The following ZNF469 variants were observed in gnomAD, a reference collection of about 807,000 sequenced individuals.
ZNF469 encodes the protein zinc finger protein 469.
ZNF469 carries 1 observed loss-of-function variant against 1.0 expected under a neutral mutation model. The observed-to-expected ratio is 1.00, with a 90% CI of 0.35 to 4.73. The LOEUF is 4.73. Among genes scored for constraint, ZNF469 ranks in the 30% most tolerant of loss-of-function variants. The pLI, the probability that ZNF469 is intolerant of heterozygous loss-of-function variation, is 0.16. For synonymous variants in ZNF469, 2,703 were observed against 2,363.4 expected, an observed-to-expected ratio of 1.14 and a Z score of -4.17; for missense variants, 6,100 against 5,356.3, an observed-to-expected ratio of 1.14 and a Z score of -4.33.
intron 1 of ZNF469, among the ~76,000 whole-genome samples, chr16:88,407,429 G>C (rs1418402386): frequency 6.6e-6 from 1 of 152,232 alleles, no homozygotes; most frequent in Non-Finnish European, 1.5e-5. Flanking sequence ...GTCACTCTCT[G>C]TATCTATAGC....
chr16:88,209,156 C>G, the ZNF469 span, among the ~76,000 whole-genome samples: 2 of 152,214 alleles, frequency 1.3e-5, no homozygotes, highest in Non-Finnish European at 2.9e-5. Context: ...AAAACAAAAC[C>G]CTACACACAC....
chr16:88,369,820 C>G, the ZNF469 span, among the ~76,000 whole-genome samples: 97 of 152,326 alleles, frequency 6.4e-4, 1 homozygote, highest in African/African-American at 2.2e-3. Flanking sequence ...CCCGCGACCC[C>G]CAGCCCCAGC....
chr16:88,407,404 C>T (rs1597195664), intron 1 of ZNF469, among the ~76,000 whole-genome samples: 2 of 152,214 alleles, frequency 1.3e-5, no homozygotes, highest in Admixed American at 6.5e-5. Flanking sequence ...AGGGATGGGG[C>T]GGACCCTCAT....
At position 88,430,094 on chromosome 16, in the gene ZNF469, GC is replaced by G; in HGVS notation, c.2628del (p.Arg877GlufsTer15). On this transcript the variant is annotated frameshift_variant, in exon 3 of 3. Transcript: ENST00000565624. LOFTEE classifies it low-confidence loss of function (END_TRUNC). ...GTCTTCGCGGACGAGGAGCCTTCCG[GC>G]CCCAGAGGTCCCAGCTCCGGACACC... ...IDVFADEEPS[G>X]PRGPSSGHPL... 1 of 1,542,410 alleles carries G rather than the reference GC, an allele frequency of 6.5e-7. No homozygotes were observed. The highest frequency in any genetic ancestry group is 8.7e-7 in the Non-Finnish European group (1 of 1,146,920).
chr16:88,394,161 ATGGG>A (rs1567499375), intron 1 of ZNF469, among the ~76,000 whole-genome samples: 19,057 of 97,222 alleles, frequency 0.2, 6,271 homozygotes, highest in Non-Finnish European at 0.24. Context: ...TCCGAGAGGG[ATGGG>A]GTTTGACAGG....
chr16:88,299,181 G>T, the ZNF469 span, among the ~76,000 whole-genome samples: 1 of 147,094 alleles, frequency 6.8e-6, no homozygotes, highest in East Asian at 2.0e-4. Flanking sequence ...CAGCTTGGGT[G>T]GGGAGGGCTT....
the ZNF469 span, among the ~76,000 whole-genome samples, chr16:88,142,858 C>A: frequency 6.6e-6 from 1 of 152,192 alleles, no homozygotes; most frequent in African/African-American, 2.4e-5. Context: ...CTGGGGCCAG[C>A]ATGGCCCACA....
chr16:88,295,060 G>A, the ZNF469 span, among the ~76,000 whole-genome samples: 1 of 136,362 alleles, frequency 7.3e-6, no homozygotes, highest in African/African-American at 2.7e-5. Context: ...ATGTGGCAGG[G>A]CTCAGGGTCT....
chr16:88,132,435 G>T, the ZNF469 span, among the ~76,000 whole-genome samples: 3 of 152,208 alleles, frequency 2.0e-5, no homozygotes, highest in Non-Finnish European at 4.4e-5. Flanking sequence ...GGCGGGGCTG[G>T]ATCTGTGACT....
the ZNF469 span, among the ~76,000 whole-genome samples, chr16:88,229,565 T>A: frequency 1.0e-3 from 104 of 101,696 alleles, no homozygotes; most frequent in African/African-American, 3.2e-3. Context: ...CGTGTGGATG[T>A]CACGCTTGTG....
At chr16:88,408,756 G>A (rs1308825207) in intron 1 of ZNF469, among the ~76,000 whole-genome samples, 1 of 152,226 alleles carries the variant, frequency 6.6e-6, no homozygotes, top group Non-Finnish European at 1.5e-5. Context: ...CGTCCCTGCA[G>A]ACCCCAGCTG....
intron 1 of ZNF469, among the ~76,000 whole-genome samples, chr16:88,405,668 C>T (rs957468367): frequency 3.9e-5 from 6 of 152,184 alleles, no homozygotes; most frequent in Admixed American, 2.6e-4. Flanking sequence ...CTGGGCCCCA[C>T]GGACCCTGTG....
chr16:88,307,355 G>T, the ZNF469 span, among the ~76,000 whole-genome samples: 1 of 152,208 alleles, frequency 6.6e-6, no homozygotes, highest in Non-Finnish European at 1.5e-5. Flanking sequence ...AGAGTCCCCA[G>T]CTACAAGCAG....
chr16:88,159,026 G>A, the ZNF469 span, among the ~76,000 whole-genome samples: 10 of 69,092 alleles, frequency 1.4e-4, no homozygotes, highest in Non-Finnish European at 2.1e-4. Context: ...TGTGGCCTAC[G>A]AGGTGATGTC....
the ZNF469 span, among the ~76,000 whole-genome samples, chr16:88,302,797 G>A: frequency 1.3e-5 from 2 of 152,144 alleles, no homozygotes; most frequent in African/African-American, 2.4e-5. Flanking sequence ...GTCTACCCTC[G>A]CCTCACTCTC....
the ZNF469 span, among the ~76,000 whole-genome samples, chr16:88,149,640 C>T: frequency 6.6e-6 from 1 of 152,080 alleles, no homozygotes; most frequent in Non-Finnish European, 1.5e-5. Context: ...ACTGAAGAAC[C>T]CCCCGCACCC....
Position 88,437,441 on chromosome 16 carries a change from A to G in ZNF469, c.9971A>G (p.Gln3324Arg), listed in dbSNP as rs1446008400. Reference sequence around the variant, plus strand: ...TGGGCCGGCGGGGAGCCCCTCCTGCAAGCCACCCCGGTGCACGAGGCCTGC... The same window carrying G: ...TGGGCCGGCGGGGAGCCCCTCCTGCGAGCCACCCCGGTGCACGAGGCCTGC... Reference protein sequence around the residue: ...DPWAGGEPLLQATPVHEACKD... With the variant: ...DPWAGGEPLLRATPVHEACKD... The change falls in exon 3 of 3, where the codon CAA becomes CGA. Residue 3324 changes from glutamine (Q) to arginine (R), a missense_variant. Physicochemically the swap from Gln to Arg is conservative, Grantham distance 43. Coordinates refer to ENST00000565624, the MANE Select transcript of ZNF469 (RefSeq NM_001367624.2). The G allele has an allele frequency of 1.3e-6, 2 of 1,521,420 alleles. No individual in the cohort carries two copies. Among genetic ancestry groups the G allele is most frequent in the African/African-American group, 2.8e-5 (2 of 71,010 alleles). 94.2% of individuals were successfully genotyped at this position (1,521,420 alleles called of 1,614,324 possible).
the ZNF469 span, among the ~76,000 whole-genome samples, chr16:88,227,392 C>G: frequency 6.6e-6 from 1 of 152,130 alleles, no homozygotes; most frequent in Admixed American, 6.5e-5. Context: ...CTGCCCCCAC[C>G]CCTTCTCTCT....
the ZNF469 span, among the ~76,000 whole-genome samples, chr16:88,226,361 G>A: frequency 2.0e-5 from 3 of 152,070 alleles, no homozygotes; most frequent in Non-Finnish European, 4.4e-5. Flanking sequence ...TAGGGGAGAG[G>A]CCACGTGCAG....
Sources: allele counts gnomAD v4.1 joint callset (sites outside exome capture counted in the v4.1 genomes callset), GRCh38; gene constraint gnomAD v4.1.1; transcripts MANE v1.5; gene names NCBI Gene and HGNC (gene_info 2026-07-23, HGNC 2026-07-21).